Variants in DNAH17 observed in about 807,000 individuals in gnomAD.
DNAH17 encodes the protein dynein axonemal heavy chain 17.
In DNAH17, 376 loss-of-function variants were observed where a neutral mutation model predicts 485.6. The ratio of observed to expected loss-of-function variants is 0.77; its 90% confidence interval spans 0.71 to 0.84. DNAH17 has a LOEUF of 0.84. DNAH17 is among the 40% of genes least tolerant of loss of function. DNAH17 has a pLI of 0.00. For synonymous variants in DNAH17, 3,031 were observed against 2,405.9 expected (o/e 1.26, Z -7.60); for missense variants, 6,370 against 5,839.3 (o/e 1.09, Z -2.96).
At chr17:78,550,957 G>A (rs112833927) in intron 16 of DNAH17, among the ~76,000 whole-genome samples, 1,629 of 152,242 alleles carry the variant, frequency 0.011, 36 homozygotes, top group African/African-American at 0.036. Context: ...GGTGGCTCAC[G>A]CCTGTAATCC....
At chr17:78,490,309 C>T (rs1192663733) in intron 44 of DNAH17, among the ~76,000 whole-genome samples, 1 of 152,174 alleles carries the variant, frequency 6.6e-6, no homozygotes, top group Non-Finnish European at 1.5e-5. Context: ...CCCACCATGC[C>T]CTGTGAACGC....
At position 78,444,656 on chromosome 17, in the gene DNAH17, T is replaced by G; in HGVS notation, c.11476A>C (p.Lys3826Gln). 6.2e-7 allele frequency: 1 copy of G among 1,607,084 alleles called. No individual in the cohort carries two copies. Among genetic ancestry groups the G allele is most frequent in the Non-Finnish European group, 8.5e-7 (1 of 1,177,444 alleles). ...CGCAGGCAGCGCACCATGCACAGCT[T>G]CTGCAGGGCCGTCTTGTTCTTCCAC... ...KEWKNKTALQKLCMVRCLRPD... is the reference protein window; with the variant it reads ...KEWKNKTALQQLCMVRCLRPD... Residue 3826 changes from lysine to glutamine, a missense_variant, in exon 71 of 81, where the codon AAG becomes CAG. By Grantham distance (53) the Lys-to-Gln change is moderately conservative. Transcript: ENST00000389840.
intron 71 of DNAH17, among the ~76,000 whole-genome samples, chr17:78,442,486 C>T (rs2087112451): frequency 6.6e-6 from 1 of 152,258 alleles, no homozygotes; most frequent in Non-Finnish European, 1.5e-5. Flanking sequence ...ACCCTAGATG[C>T]TGTGATCCTT....
At chr17:78,424,190 CCAGT>C in intron 80 of DNAH17, 37 bp from the exon 81 acceptor site, 1 of 1,577,478 alleles carries the variant, frequency 6.3e-7, no homozygotes, top group Non-Finnish European at 8.6e-7. Context: ...AGGTGTGCTG[CCAGT>C]AAGTGAGGGA....
intron 25 of DNAH17, among the ~76,000 whole-genome samples, chr17:78,516,179 G>T (rs1192535410): frequency 6.6e-6 from 1 of 152,148 alleles, no homozygotes; most frequent in Non-Finnish European, 1.5e-5. Context: ...GCTTTTTCTG[G>T]CAGGTTCGAG....
At chr17:78,532,023 C>T (rs796740092) in intron 20 of DNAH17, among the ~76,000 whole-genome samples, 1 of 152,210 alleles carries the variant, frequency 6.6e-6, no homozygotes, top group African/African-American at 2.4e-5. Flanking sequence ...CTCCGACCAT[C>T]CCCTTGATGG....
intron 43 of DNAH17, 39 bp downstream of exon 43, chr17:78,491,404 T>C (rs1251813887): frequency 5.0e-6 from 8 of 1,604,070 alleles, no homozygotes; most frequent in Middle Eastern, 1.6e-4. Context: ...TGTCCCTGCC[T>C]TGGGTGGCCT....
intron 9 of DNAH17, 130 bp downstream of exon 9, chr17:78,569,036 A>T (rs865915590): frequency 2.8e-6 from 2 of 724,704 alleles, no homozygotes; most frequent in African/African-American, 1.8e-5. Context: ...CTCATAACAG[A>T]TATTTGGGCC....
intron 56 of DNAH17, among the ~76,000 whole-genome samples, chr17:78,466,078 C>T (rs2088436215): frequency 6.6e-6 from 1 of 152,196 alleles, no homozygotes; most frequent in Non-Finnish European, 1.5e-5. Flanking sequence ...TCATTTTGTT[C>T]TGTACTAAGA....
Position 78,427,012 on chromosome 17 carries a change from C to A in DNAH17, c.12685G>T (p.Val4229Leu), listed in dbSNP as rs765598027. ...CTTTCACATTCTTGAAAGGCGACTA[C>A]CACGTAGGGGGTCTTTTCCGCTGCC... ...AKAAEKTPYV[V>L]VAFQECERMN... The change falls in exon 78 of 81, where the codon GTA (valine) becomes TTA (leucine). Residue 4229 changes from valine (V) to leucine (L), a missense_variant. Coordinates refer to ENST00000389840, the MANE Select transcript of DNAH17 (RefSeq NM_173628.4). 3 of 1,609,858 alleles carry A rather than the reference C, an allele frequency of 1.9e-6. No individual in the cohort carries two copies. Among genetic ancestry groups the A allele is most frequent in the Non-Finnish European group, 2.5e-6 (3 of 1,178,202 alleles).
Position 78,486,524 on chromosome 17 carries a change from C to T in DNAH17, c.6819-18G>A, listed in dbSNP as rs754958199. 24 of 1,584,840 alleles carry T rather than the reference C, an allele frequency of 1.5e-5. No individual in the cohort carries two copies. The highest frequency in any genetic ancestry group is 1.8e-4 in the Middle Eastern group (1 of 5,650). ...TCACCACCCTGGGGGTGACAGGAGG[C>T]GCCGATGACACAGCCGCTGCTCTGG... is the stretch of plus-strand genomic sequence containing the variant. On this transcript the variant is annotated intron_variant, in intron 44 of 80. Transcript: ENST00000389840.
intron 14 of DNAH17, among the ~76,000 whole-genome samples, chr17:78,555,568 AG>A (rs969058001): frequency 7.9e-4 from 113 of 142,316 alleles, no homozygotes; most frequent in African/African-American, 2.7e-3. Flanking sequence ...AAAAAAAAAG[AG>A]GCAAGAAGGT....
intron 40 of DNAH17, 146 bp downstream of exon 40, chr17:78,494,447 C>G (rs987335766): frequency 9.8e-7 from 1 of 1,023,752 alleles, no homozygotes; most frequent in Non-Finnish European, 1.4e-6. Context: ...GCCAGGGCCA[C>G]GGAGGCAGCT....
At chr17:78,425,259 T>G in intron 80 of DNAH17, 87 bp downstream of exon 80, 1 of 1,357,806 alleles carries the variant, frequency 7.4e-7, no homozygotes, top group Non-Finnish European at 1.0e-6. Flanking sequence ...TTGAACAGCC[T>G]GTCTTTGCCA....
At chr17:78,448,632 C>T (rs1386058959) in intron 69 of DNAH17, among the ~76,000 whole-genome samples, 3 of 152,180 alleles carry the variant, frequency 2.0e-5, no homozygotes, top group Admixed American at 6.5e-5. Context: ...GAATGTGTTC[C>T]CCAAAAAGCA....
Position 78,457,257 on chromosome 17 carries a change from T to G in DNAH17, c.9977+1308A>C, listed in dbSNP as rs374744231. On this transcript the variant is annotated intron_variant, in intron 62 of 80. Transcript: ENST00000389840. Reference sequence around the variant, plus strand: ...GTGGTGGCACGCATCTGTGGTCCCATCTACTTGGGAGACTGAGGCAGAAGA... The same window carrying G: ...GTGGTGGCACGCATCTGTGGTCCCAGCTACTTGGGAGACTGAGGCAGAAGA... 1.2e-4 allele frequency among the ~76,000 whole-genome samples: 18 copies of G among 152,134 alleles called. No individual in the cohort carries two copies. The South Asian group carries it at 3.7e-3, about 32-fold the overall frequency.
chr17:78,484,205 G>A (rs913859218), intron 48 of DNAH17, among the ~76,000 whole-genome samples: 4 of 148,536 alleles, frequency 2.7e-5, no homozygotes, highest in Non-Finnish European at 5.9e-5. Flanking sequence ...GCCGTTAGGA[G>A]AAAATCTGCA....
chr17:78,566,809 C>T, intron 10 of DNAH17, 79 bp from the exon 11 acceptor site: 2 of 1,336,440 alleles, frequency 1.5e-6, no homozygotes, highest in Non-Finnish European at 2.1e-6. Context: ...CCCTGCCCTG[C>T]TGAGAGGACT....
Position 78,445,614 on chromosome 17 carries a change from C to T in DNAH17, c.11278G>A (p.Ala3760Thr). Reference protein sequence around the residue: ...LDFLLRFPFKAGVVSPVDFLQ... With the variant: ...LDFLLRFPFKTGVVSPVDFLQ... ...AAGTCCACTGGTGAGACCACTCCGG[C>T]CTTAAAAGGGAACCGCAGGAGGAAA... Residue 3760 changes from alanine (A) to threonine (T), a missense_variant, in exon 70 of 81, where the codon GCC becomes ACC. Transcript: ENST00000389840. 1 of 1,566,930 alleles carries T rather than the reference C, an allele frequency of 6.4e-7. No individual in the cohort carries two copies. Among genetic ancestry groups the T allele is most frequent in the Non-Finnish European group, 8.7e-7 (1 of 1,155,658 alleles).
Sources: allele counts gnomAD v4.1 joint callset (sites outside exome capture counted in the v4.1 genomes callset), GRCh38; gene constraint gnomAD v4.1.1; transcripts MANE v1.5; gene names NCBI Gene and HGNC (gene_info 2026-07-23, HGNC 2026-07-21).